POMT1: variants seen among roughly 807,000 people sequenced by gnomAD.
POMT1 encodes the protein protein O-mannosyltransferase 1, also known as protein O-mannosyl-transferase 1.
In POMT1, 85 loss-of-function variants were observed where a neutral mutation model predicts 101.6. That is an observed-to-expected ratio of 0.84 (90% CI 0.70 to 1.00). The LOEUF is 1.00. Among genes scored for constraint, POMT1 ranks in the 50% least tolerant of loss-of-function variants. POMT1 has a pLI of 0.00. For missense variants in POMT1, 857 were observed against 930.4 expected (o/e 0.92, Z 1.03); for synonymous variants, 371 against 383.0 (o/e 0.97, Z 0.37).
Position 131,511,379 on chromosome 9 carries a change from GCCTTTGGGT to G in POMT1, c.901_909del (p.Phe301_Ser303del). ...CACTCAGGGTCAGCCACTGGAGGTG[GCCTTTGGGT>G]CCCAGGTCACTCTGAGGAACGTCTT... is the stretch of plus-strand genomic sequence containing the variant. On this transcript the variant is annotated inframe_deletion, in exon 10 of 20. Coordinates refer to ENST00000402686, the MANE Select transcript of POMT1 (RefSeq NM_001077365.2). 2 of 1,614,002 alleles carry G rather than the reference GCCTTTGGGT, an allele frequency of 1.2e-6. No individual in the cohort carries two copies. The highest frequency in any genetic ancestry group is 1.7e-6 in the Non-Finnish European group (2 of 1,179,874).
rs1948108485 is a variant in POMT1, at chr9:131,515,489, C to T, written c.1239C>T (p.Asn413=). 1.2e-6 allele frequency: 2 copies of T among 1,614,120 alleles called. No individual in the cohort carries two copies. Among genetic ancestry groups the T allele is most frequent in the African/African-American group, 2.7e-5 (2 of 74,946 alleles). Residue 413 remains asparagine (N), a synonymous_variant, in exon 13 of 20, where the codon AAC becomes AAT. Transcript: ENST00000402686. The part of the protein sequence containing the change: ...SQEVSCYIDY[N]ISMPAQNLWR... ...AGGTCTCCTGCTACATTGACTATAA[C>T]ATCTCCATGCCCGCCCAGAACCTCT...
At position 131,523,439 on chromosome 9, in the gene POMT1, C is replaced by A. The variant is rs1950351387; in HGVS notation, c.*333C>A. The A allele has an allele frequency of 2.7e-6, 1 of 368,480 alleles. No individual in the cohort carries two copies. Among genetic ancestry groups the A allele is most frequent in the Non-Finnish European group, 5.2e-6 (1 of 191,468 alleles). 22.8% of individuals were successfully genotyped at this position (368,480 alleles called of 1,614,324 possible). On this transcript the variant is annotated 3_prime_UTR_variant, in exon 20 of 20. Coordinates refer to ENST00000402686, the MANE Select transcript of POMT1 (RefSeq NM_001077365.2). The stretch of plus-strand genomic sequence containing the variant: ...GCAGTGGAGCCTCAGCAGACCAGGG[C>A]CTGGTCCTTGCTAACTGCTGCAGGG...
chr9:131,510,762 T>G, intron 9 of POMT1: 3 of 367,474 alleles, frequency 8.2e-6, no homozygotes, highest in South Asian at 6.6e-5. Context: ...TGCCTCGGCC[T>G]CTCAAAGTGC....
intron 4 of POMT1, among the ~76,000 whole-genome samples, chr9:131,507,108 A>G (rs1310789547): frequency 6.6e-6 from 1 of 152,028 alleles, no homozygotes; most frequent in African/African-American, 2.4e-5. Flanking sequence ...GGGAGGGTAA[A>G]TATGTATAAG....
At chr9:131,520,277 C>A in intron 17 of POMT1, 84 bp downstream of exon 17, 1 of 1,183,100 alleles carries the variant, frequency 8.5e-7, no homozygotes, top group Admixed American at 1.8e-5. Context: ...GCCGCTGCAC[C>A]CTAGAAAGTG....
rs766264234 is a variant in POMT1 at position 131,508,963 on chromosome 9, A to G, written c.480A>G (p.Ile160Met). 1.2e-6 allele frequency: 2 copies of G among 1,614,032 alleles called. No individual in the cohort carries two copies. Among genetic ancestry groups the G allele is most frequent in the East Asian group, 2.2e-5 (1 of 44,896 alleles). The change falls in exon 6 of 20, where the codon ATA becomes ATG. Residue 160 changes from isoleucine to methionine, a missense_variant. Coordinates refer to ENST00000402686, the MANE Select transcript of POMT1 (RefSeq NM_001077365.2). ...SRLMLLESVLIFFNLLAVLSY... is the reference protein window; with the variant it reads ...SRLMLLESVLMFFNLLAVLSY... The stretch of plus-strand genomic sequence containing the variant: ...TAATGCTTTTGGAATCAGTGTTAAT[A>G]TTTTTCAATCTATTGGCCGTGTTGT...
Position 131,518,516 on chromosome 9 carries a change from G to A in POMT1, c.1344G>A (p.Val448=), listed in dbSNP as rs1357400287. 1 of 1,613,774 alleles carries A rather than the reference G, an allele frequency of 6.2e-7. No homozygotes were observed. Among genetic ancestry groups the A allele is most frequent in the East Asian group, 2.2e-5 (1 of 44,888 alleles). ...TILSEVRFVH[V]NTSAVLKLSG... The stretch of plus-strand genomic sequence containing the variant: ...TCTCAGAGGTCCGCTTTGTGCACGT[G>A]AACACTTCCGCTGTCTTAAAGGTAA... The change falls in exon 14 of 20, where the codon GTG becomes GTA. Residue 448 remains valine, a synonymous_variant. Coordinates refer to ENST00000402686, the MANE Select transcript of POMT1 (RefSeq NM_001077365.2).
intron 4 of POMT1, among the ~76,000 whole-genome samples, chr9:131,507,084 G>GA (rs1180631856): frequency 6.6e-6 from 1 of 150,818 alleles, no homozygotes; most frequent in Non-Finnish European, 1.5e-5. Flanking sequence ...AAAAAAAAAA[G>GA]AAAAAAGAAA....
At chr9:131,515,860 G>C (rs62580577) in intron 13 of POMT1, among the ~76,000 whole-genome samples, 686 of 12,284 alleles carry the variant, frequency 0.056, 57 homozygotes, top group Middle Eastern at 0.2. Context: ...CTTCCTCACA[G>C]GGAGCACTTT....
Position 131,519,355 on chromosome 9 carries a change from C to CA in POMT1, c.1487-34_1487-33insA, listed in dbSNP as rs1949433134. 1.9e-6 allele frequency: 3 copies of CA among 1,544,960 alleles called. No individual in the cohort carries two copies. The South Asian group carries it at 3.6e-5, about 18-fold the overall frequency. ...GCTCTGAGCTCTTGACCTTGTGCTA[C>CA]TTCTATCTGTTATGCCCTTGTCTGT... On this transcript the variant is annotated intron_variant, in intron 15 of 19. Coordinates refer to ENST00000402686, the MANE Select transcript of POMT1 (RefSeq NM_001077365.2). This position sits in a 1 kb window ranked among gnomAD's most constrained non-coding sequence, Gnocchi z 4.3.
At chr9:131,511,986 CA>C (rs1310468456) in intron 10 of POMT1, 54 bp from the exon 11 acceptor site, 1 of 1,598,340 alleles carries the variant, frequency 6.3e-7, no homozygotes, top group Non-Finnish European at 8.6e-7. Context: ...GCTCTGATTA[CA>C]GGCCTGAGCC....
intron 5 of POMT1, among the ~76,000 whole-genome samples, chr9:131,508,303 C>CGGGT (rs1192136521): frequency 1.3e-5 from 2 of 151,848 alleles, no homozygotes; most frequent in Non-Finnish European, 2.9e-5. Flanking sequence ...GAGGCTGAGG[C>CGGGT]GGGTGGATCA....
rs1347247995 is a variant in POMT1, at chr9:131,511,076, G to A, written c.856-261G>A. The A allele has an allele frequency of 3.3e-5, 14 of 424,460 alleles. No individual in the cohort carries two copies. In the South Asian group the frequency reaches 3.9e-4, roughly 12 times the overall value. The allele number at this position is 424,460 out of a possible 1,614,324, so 26.3% of individuals were successfully genotyped here. A position where few individuals can be genotyped will look rare whatever the true frequency, so the allele number is the denominator to read the frequency against. ...CATCATCATTGCTCTTACCTCATTG[G>A]ATGCTTGTAAGGACTGAATAGGGTG... is the stretch of plus-strand genomic sequence containing the variant. On this transcript the variant is annotated intron_variant, in intron 9 of 19. Transcript: ENST00000402686.
chr9:131,512,368 A>G (rs1430203673), intron 11 of POMT1, among the ~76,000 whole-genome samples: 1 of 152,100 alleles, frequency 6.6e-6, no homozygotes, highest in Non-Finnish European at 1.5e-5. Flanking sequence ...GCGAGCCTCA[A>G]TGCCCCGACC....
intron 12 of POMT1, among the ~76,000 whole-genome samples, chr9:131,513,597 G>A (rs572373571): frequency 3.3e-5 from 5 of 152,344 alleles, no homozygotes; most frequent in East Asian, 3.9e-4. Flanking sequence ...TCAGGGCCCC[G>A]TGGATGAGTG....
In POMT1 at chr9:131,519,995, G is replaced by A. The variant is rs1949588811; in HGVS notation, c.1585-85G>A. On this transcript the variant is annotated intron_variant, in intron 16 of 19. Transcript: ENST00000402686. The surrounding 1 kb of genome is among the most constrained non-coding windows in gnomAD (Gnocchi z 4.3). ...AGCTGGGCCAGTCCACGTGCAAGGG[G>A]CAGCAGTGTACTCCTTTGACCAAAT... 1 of 1,005,220 alleles carries A rather than the reference G, an allele frequency of 9.9e-7. No individual in the cohort carries two copies. Among genetic ancestry groups the A allele is most frequent in the Admixed American group, 1.9e-5 (1 of 52,748 alleles). 62.3% of individuals were successfully genotyped at this position (1,005,220 alleles called of 1,614,324 possible).
rs202138820 is a variant in POMT1, at chr9:131,504,343, A to G, written c.122+3A>G. The G allele has an allele frequency of 6.2e-7, 1 of 1,614,140 alleles. No individual in the cohort carries two copies. Among genetic ancestry groups the G allele is most frequent in the Non-Finnish European group, 8.5e-7 (1 of 1,180,018 alleles). ...CTCACCTACCCGCGGGCTGTGGTGT[A>G]AGCTAAATGACTCCATTCCCAGGGT... is the stretch of plus-strand genomic sequence containing the variant. On this transcript the variant is annotated splice_donor_region_variant and intron_variant, in intron 2 of 19. Transcript: ENST00000402686.
chr9:131,518,906 G>A lies in POMT1; in HGVS notation c.1435G>A (p.Gly479Ser). ...LEIVGEKLSR[G>S]YHGSTVWNVE... is the part of the protein sequence containing the mutation. ...GATCGTCGGGGAGAAGCTGTCCCGG[G>A]GCTACCACGGGAGCACGGTGTGGAA... is the stretch of plus-strand genomic sequence containing the variant. The change falls in exon 15 of 20, where the codon GGC (glycine) becomes AGC (serine). Residue 479 changes from glycine (G) to serine (S), a missense_variant. Transcript: ENST00000402686. 6.2e-7 allele frequency: 1 copy of A among 1,613,848 alleles called. No individual in the cohort carries two copies. The highest frequency in any genetic ancestry group is 1.7e-5 in the Admixed American group (1 of 60,032).
Position 131,515,483 on chromosome 9 carries a change from C to G in POMT1, c.1233C>G (p.Asp411Glu), listed in dbSNP as rs11243406. Reference sequence around the variant, plus strand: ...CACAGGAGGTCTCCTGCTACATTGACTATAACATCTCCATGCCCGCCCAGA... The same window carrying G: ...CACAGGAGGTCTCCTGCTACATTGAGTATAACATCTCCATGCCCGCCCAGA... Reference protein sequence around the residue: ...PHSQEVSCYIDYNISMPAQNL... With the variant: ...PHSQEVSCYIEYNISMPAQNL... Residue 411 changes from aspartate (D) to glutamate (E), a missense_variant, in exon 13 of 20, where the codon GAC becomes GAG. By Grantham distance (45) the Asp-to-Glu change is conservative. Transcript: ENST00000402686. The G allele has an allele frequency of 3.1e-6, 5 of 1,614,102 alleles. No homozygotes were observed. Among genetic ancestry groups the G allele is most frequent in the Admixed American group, 3.3e-5 (2 of 60,008 alleles).
Sources: allele counts gnomAD v4.1 joint callset (sites outside exome capture counted in the v4.1 genomes callset), GRCh38; gene constraint gnomAD v4.1.1; non-coding constraint Gnocchi (gnomAD v3.1); transcripts MANE v1.5; gene names NCBI Gene and HGNC (gene_info 2026-07-23, HGNC 2026-07-21).